C2: variants seen among roughly 807,000 people sequenced by gnomAD.
C2 encodes C3/C5 convertase.
Under a neutral mutation model 85.2 loss-of-function variants are expected in C2, and 64 were observed. The ratio of observed to expected loss-of-function variants is 0.75; its 90% CI spans 0.61 to 0.92. C2 has a LOEUF of 0.92. C2 is among the 40% of genes least tolerant of loss of function. The pLI, the probability that C2 is intolerant of heterozygous loss-of-function variation, is 0.00. For missense variants in C2, 820 were observed against 971.6 expected (o/e 0.84, Z 2.07); for synonymous variants, 311 against 370.8 (o/e 0.84, Z 1.85).
intron 3 of C2, among the ~76,000 whole-genome samples, chr6:31,930,228 T>C (rs1396911760): frequency 6.6e-6 from 1 of 151,890 alleles, no homozygotes; most frequent in Non-Finnish European, 1.5e-5. Flanking sequence ...ATTACAGGCA[T>C]GCGCCACCAT....
intron 3 of C2, among the ~76,000 whole-genome samples, chr6:31,931,625 TAGTAC>T (rs896294515): frequency 6.6e-6 from 1 of 152,100 alleles, no homozygotes; most frequent in Admixed American, 6.6e-5. Flanking sequence ...GAATTTTTCT[TAGTAC>T]AGAACAAAAT....
intron 8 of C2, among the ~76,000 whole-genome samples, chr6:31,938,180 G>A (rs892757532): frequency 3.9e-5 from 6 of 152,016 alleles, no homozygotes; most frequent in African/African-American, 1.5e-4. Context: ...TACCATCTGG[G>A]AGGTAACTTG....
upstream of C2, among the ~76,000 whole-genome samples, chr6:31,898,922 T>C (rs1043334437): frequency 6.6e-6 from 1 of 151,990 alleles, no homozygotes; most frequent in Non-Finnish European, 1.5e-5. Context: ...AGCTCACTTG[T>C]CACACTCCTC....
intron 1 of C2, among the ~76,000 whole-genome samples, chr6:31,903,168 T>G (rs1767488278): frequency 6.6e-6 from 1 of 152,186 alleles, no homozygotes. Flanking sequence ...TGCCACTGTT[T>G]CCTGCCAATT....
In C2 at chr6:31,939,331, G is replaced by C; in HGVS notation, c.1219+11G>C. 6.3e-7 allele frequency: 1 copy of C among 1,587,516 alleles called. No individual in the cohort carries two copies. The highest frequency in any genetic ancestry group is 1.1e-5 in the South Asian group (1 of 90,542). Reference sequence around the variant, plus strand: ...GGAATGACTATCTGGGTGAGCCCCTGCCACTGCCACCACATTTGTTCTGCT... The same window carrying C: ...GGAATGACTATCTGGGTGAGCCCCTCCCACTGCCACCACATTTGTTCTGCT... On this transcript the variant is annotated intron_variant, in intron 9 of 17. Coordinates refer to ENST00000299367, the MANE Select transcript of C2 (RefSeq NM_000063.6).
intron 8 of C2, among the ~76,000 whole-genome samples, chr6:31,938,452 G>T (rs1770599623): frequency 7.3e-6 from 1 of 137,138 alleles, no homozygotes; most frequent in Non-Finnish European, 1.5e-5. Flanking sequence ...ATATATATAT[G>T]TATGTATATA....
intron 1 of C2, among the ~76,000 whole-genome samples, chr6:31,912,831 C>T (rs1298083165): frequency 1.7e-5 from 2 of 120,540 alleles, no homozygotes; most frequent in African/African-American, 3.4e-5. Context: ...CAGAGCGGGA[C>T]TCTATCTCAA....
At chr6:31,927,241 T>C (rs543982809), upstream of C2, among the ~76,000 whole-genome samples, 46 of 152,352 alleles carry the variant, frequency 3.0e-4, no homozygotes, top group Non-Finnish European at 4.3e-4. The surrounding 1 kb of genome is among the most constrained non-coding windows in gnomAD (Gnocchi z 4.7). Context: ...AAGACAGAAC[T>C]GTTCTAGGCT....
At chr6:31,913,757 C>T (rs1768288296) in intron 1 of C2, among the ~76,000 whole-genome samples, 1 of 151,900 alleles carries the variant, frequency 6.6e-6, no homozygotes, top group African/African-American at 2.4e-5. Context: ...AGCAATTCTC[C>T]CGCCTCAGGC....
At chr6:31,940,187 G>C (rs1164454164) in intron 9 of C2, among the ~76,000 whole-genome samples, 1 of 152,212 alleles carries the variant, frequency 6.6e-6, no homozygotes, top group Non-Finnish European at 1.5e-5. Context: ...TCTGCAAAAG[G>C]GGAGTAGTAC....
chr6:31,935,269 G>A lies in C2; in HGVS notation c.850-654G>A, dbSNP rs1770311881. On this transcript the variant is annotated intron_variant, in intron 6 of 17. Coordinates refer to ENST00000299367, the MANE Select transcript of C2 (RefSeq NM_000063.6). The surrounding 1 kb of genome is among the most constrained non-coding windows in gnomAD (Gnocchi z 4.3). Reference sequence around the variant, plus strand: ...AGTTGGAGCAGTGATTGAGAATCATGTGACACATTCAGATCCCACTTCCAC... The same window carrying A: ...AGTTGGAGCAGTGATTGAGAATCATATGACACATTCAGATCCCACTTCCAC... The A allele has an allele frequency of 6.4e-6, 1 of 155,924 alleles. No homozygotes were observed. The highest frequency in any genetic ancestry group is 1.4e-5 in the Non-Finnish European group (1 of 71,566). The allele number at this position is 155,924 out of a possible 1,614,324, so 9.7% of individuals were successfully genotyped here. A position where few individuals can be genotyped will look rare whatever the true frequency, so the allele number is the denominator to read the frequency against.
At chr6:31,925,504 G>T (rs1769207801), upstream of C2, among the ~76,000 whole-genome samples, 1 of 152,108 alleles carries the variant, frequency 6.6e-6, no homozygotes. Context: ...TGTTGGTCAG[G>T]CTGGTCTCTA....
chr6:31,938,207 C>T (rs762064799), intron 8 of C2, among the ~76,000 whole-genome samples: 5 of 151,834 alleles, frequency 3.3e-5, no homozygotes, highest in African/African-American at 7.3e-5. Context: ...GATGAGGAAA[C>T]GTGGCTCTTG....
At chr6:31,909,811 A>G (rs1767967282) in intron 1 of C2, among the ~76,000 whole-genome samples, 1 of 151,846 alleles carries the variant, frequency 6.6e-6, no homozygotes. Flanking sequence ...TTATGTTCCC[A>G]CCAGGAGATT....
At chr6:31,932,805 C>A (rs946088284) in intron 3 of C2, among the ~76,000 whole-genome samples, 1 of 152,268 alleles carries the variant, frequency 6.6e-6, no homozygotes, top group African/African-American at 2.4e-5. Flanking sequence ...GATCACGCCA[C>A]TGCACTCCAG....
intron 9 of C2, among the ~76,000 whole-genome samples, chr6:31,942,643 C>A (rs1027710276): frequency 6.6e-6 from 1 of 152,098 alleles, no homozygotes; most frequent in Non-Finnish European, 1.5e-5. Flanking sequence ...TGAGCCAAGA[C>A]TTAAAAAGGT....
upstream of C2, chr6:31,899,666 C>G: frequency 2.0e-6 from 1 of 511,882 alleles, no homozygotes; most frequent in Non-Finnish European, 3.4e-6. Flanking sequence ...ACATGCACTT[C>G]TAAGAGAAGG....
rs1485345559 is a variant in C2 at position 31,928,853 on chromosome 6, G to A, written c.378G>A (p.Ser126=). ...ECEDGFILRG[S]PVRQCRPNGM... The stretch of plus-strand genomic sequence containing the variant: ...AGGATGGCTTCATATTGCGGGGCTC[G>A]CCTGTGCGTCAGTGTCGCCCCAACG... The change falls in exon 3 of 18, where the codon TCG becomes TCA. Residue 126 remains serine (S), a synonymous_variant. Coordinates refer to ENST00000299367, the MANE Select transcript of C2 (RefSeq NM_000063.6). 7 of 1,614,212 alleles carry A rather than the reference G, an allele frequency of 4.3e-6. No individual in the cohort carries two copies. Among genetic ancestry groups the A allele is most frequent in the Non-Finnish European group, 5.1e-6 (6 of 1,180,026 alleles).
At chr6:31,931,756 C>A (rs1769771532) in intron 3 of C2, among the ~76,000 whole-genome samples, 1 of 152,226 alleles carries the variant, frequency 6.6e-6, no homozygotes, top group Non-Finnish European at 1.5e-5. Flanking sequence ...GTCATCATGG[C>A]CCCTTCTCAA....
Sources: allele counts gnomAD v4.1 joint callset (sites outside exome capture counted in the v4.1 genomes callset), GRCh38; gene constraint gnomAD v4.1.1; non-coding constraint Gnocchi (gnomAD v3.1); transcripts MANE v1.5; gene names NCBI Gene and HGNC (gene_info 2026-07-23, HGNC 2026-07-21).